The following MACROD2 variants were observed in gnomAD, a reference collection of about 807,000 sequenced individuals.
MACROD2 encodes the protein mono-ADP ribosylhydrolase 2.
In MACROD2, 36 loss-of-function variants were observed where a neutral mutation model predicts 70.4. The ratio of observed to expected loss-of-function variants is 0.51; its 90% CI spans 0.39 to 0.68. The LOEUF (loss-of-function observed/expected upper bound fraction) is 0.68, where lower values mean the gene tolerates loss of function less well. MACROD2 is among the 30% of genes least tolerant of loss of function. The probability of loss-of-function intolerance (pLI) is 0.00; values close to 1 mark genes in which losing one functional copy is unlikely to be tolerated. For synonymous variants in MACROD2, 172 were observed against 178.8 expected (o/e 0.96, Z 0.30); for missense variants, 496 against 538.4 (o/e 0.92, Z 0.78).
At chr20:14,369,125 A>G (rs899798545) in intron 3 of MACROD2, among the ~76,000 whole-genome samples, 3 of 152,120 alleles carry the variant, frequency 2.0e-5, no homozygotes, top group African/African-American at 7.2e-5. Context: ...ATATGCCCCA[A>G]CTATAATGTT....
intron 5 of MACROD2, among the ~76,000 whole-genome samples, chr20:14,863,585 A>G (rs2073395871): frequency 6.6e-6 from 1 of 152,138 alleles, no homozygotes; most frequent in South Asian, 2.1e-4. Context: ...AGAAAAATAT[A>G]GTTACATAAA....
At chr20:14,038,969 TA>T (rs1278314748) in intron 2 of MACROD2, among the ~76,000 whole-genome samples, 1 of 152,190 alleles carries the variant, frequency 6.6e-6, no homozygotes, top group Non-Finnish European at 1.5e-5. Context: ...ATATTGAAGA[TA>T]AACTATATTT....
intron 5 of MACROD2, among the ~76,000 whole-genome samples, chr20:15,191,931 T>TAGAGAGAGAG (rs10638417): frequency 0.011 from 1,630 of 142,358 alleles, 76 homozygotes; most frequent in African/African-American, 0.036. Context: ...TATATATATA[T>TAGAGAGAGAG]AGAGAGAGAG....
intron 8 of MACROD2, among the ~76,000 whole-genome samples, chr20:15,738,122 A>G (rs1248960957): frequency 2.0e-5 from 3 of 152,218 alleles, no homozygotes; most frequent in Non-Finnish European, 2.9e-5. Flanking sequence ...AAAATCTAGT[A>G]GTATTTGATA....
At chr20:15,171,091 C>T (rs1427099767) in intron 5 of MACROD2, among the ~76,000 whole-genome samples, 1 of 152,174 alleles carries the variant, frequency 6.6e-6, no homozygotes, top group South Asian at 2.1e-4. Context: ...CAAAATCCCC[C>T]TGGGGGACCT....
At chr20:15,830,397 G>C (rs761707297) in intron 8 of MACROD2, among the ~76,000 whole-genome samples, 2 of 152,124 alleles carry the variant, frequency 1.3e-5, no homozygotes, top group Admixed American at 6.5e-5. Flanking sequence ...TATCTAGGCT[G>C]GTGTCAATAT....
chr20:15,657,750 T>C (rs906920506), intron 8 of MACROD2, among the ~76,000 whole-genome samples: 1 of 152,208 alleles, frequency 6.6e-6, no homozygotes, highest in African/African-American at 2.4e-5. Flanking sequence ...CCCAGCACTT[T>C]GGGAGGCCAA....
chr20:14,833,987 T>A (rs908408581), intron 5 of MACROD2, among the ~76,000 whole-genome samples: 12 of 152,080 alleles, frequency 7.9e-5, no homozygotes, highest in South Asian at 2.1e-4. Context: ...ATTTACATTT[T>A]AAAAAATTAA....
At chr20:14,049,242 G>A (rs750802615) in intron 2 of MACROD2, among the ~76,000 whole-genome samples, 63 of 151,286 alleles carry the variant, frequency 4.2e-4, no homozygotes, top group Admixed American at 2.8e-3. Context: ...GGGTGACATT[G>A]GTGCAGCAAA....
rs565526338 is a variant in MACROD2, at chr20:15,710,366, T to C, written c.646-152379T>C. The stretch of plus-strand genomic sequence containing the variant: ...TTCCTAAAATGACAACAGCAAGCTA[T>C]ACACAGAATTAAAATATAAACATAC... On this transcript the variant is annotated intron_variant, in intron 8 of 17. Transcript: ENST00000684519. 1.2e-3 allele frequency among the ~76,000 whole-genome samples: 179 copies of C among 152,256 alleles called. 1 individual carries two copies. The highest frequency in any genetic ancestry group is 4.1e-3 in the African/African-American group (169 of 41,544).
rs533003056 is a variant in MACROD2 at position 15,396,175 on chromosome 20, A to T, written c.541-35230A>T. ...AGCAGGGAAGTCCATGACACCATCT[A>T]AATCTCACAGAAGTGAACATAAATT... On this transcript the variant is annotated intron_variant, in intron 6 of 17. Transcript: ENST00000684519. Among the ~76,000 whole-genome samples the T allele has an allele frequency of 2.0e-5, 3 of 152,336 alleles. No homozygotes were observed. The South Asian group carries it at 6.2e-4, about 32-fold the overall frequency.
intron 5 of MACROD2, among the ~76,000 whole-genome samples, chr20:14,743,055 C>T (rs933413803): frequency 5.9e-5 from 9 of 152,030 alleles, no homozygotes; most frequent in South Asian, 2.1e-4. Context: ...TGTGAGCCAC[C>T]GCGCCCGGCC....
At chr20:14,213,577 G>C (rs2081589545) in intron 3 of MACROD2, among the ~76,000 whole-genome samples, 1 of 151,668 alleles carries the variant, frequency 6.6e-6, no homozygotes. Context: ...GTGAGAGTTG[G>C]CAAATCTTAC....
chr20:15,689,914 T>A (rs1303436852), intron 8 of MACROD2, among the ~76,000 whole-genome samples: 1 of 152,212 alleles, frequency 6.6e-6, no homozygotes, highest in African/African-American at 2.4e-5. Context: ...TCCTCTGTGA[T>A]AATCAGTTCT....
intron 8 of MACROD2, among the ~76,000 whole-genome samples, chr20:15,757,211 C>T (rs1267206497): frequency 6.6e-6 from 1 of 152,154 alleles, no homozygotes; most frequent in African/African-American, 2.4e-5. Flanking sequence ...CTGTATGCTT[C>T]ATGTCTTTGG....
chr20:14,864,850 A>C (rs897710101), intron 5 of MACROD2, among the ~76,000 whole-genome samples: 3 of 152,098 alleles, frequency 2.0e-5, no homozygotes, highest in African/African-American at 7.2e-5. Flanking sequence ...TGTCAATGTA[A>C]GTCTTATAAG....
Position 14,706,967 on chromosome 20 carries a change from A to C in MACROD2, c.418+22008A>C, listed in dbSNP as rs543283388. On this transcript the variant is annotated intron_variant, in intron 5 of 17. Coordinates refer to ENST00000684519, the MANE Select transcript of MACROD2 (RefSeq NM_001351661.2). ...TAGGATGCAGAAAGCTAGGAGCTCA[A>C]ATTTAGATCCAAGGCAGTAATTCTC... 9.5e-4 allele frequency among the ~76,000 whole-genome samples: 145 copies of C among 152,260 alleles called. 2 individuals carry two copies. The highest frequency in any genetic ancestry group is 9.3e-3 in the Admixed American group (142 of 15,298).
intron 5 of MACROD2, among the ~76,000 whole-genome samples, chr20:15,108,802 G>C (rs779173901): frequency 2.6e-5 from 4 of 152,038 alleles, no homozygotes; most frequent in Non-Finnish European, 4.4e-5. Context: ...CACCATGATG[G>C]GTCTTTTTCT....
intron 5 of MACROD2, among the ~76,000 whole-genome samples, chr20:15,070,431 CA>C (rs1431322807): frequency 1.3e-5 from 2 of 151,920 alleles, no homozygotes; most frequent in African/African-American, 2.4e-5. Flanking sequence ...TTTGGGGGAT[CA>C]GGGGTAGAAT....
Sources: allele counts gnomAD v4.1 joint callset (sites outside exome capture counted in the v4.1 genomes callset), GRCh38; gene constraint gnomAD v4.1.1; transcripts MANE v1.5; gene names NCBI Gene and HGNC (gene_info 2026-07-23, HGNC 2026-07-21).